LRP1B: variants seen among roughly 807,000 people sequenced by gnomAD.
LRP1B encodes low-density lipoprotein receptor-related protein 1B.
A neutral mutation model predicts 556.6 loss-of-function variants in LRP1B; 217 were observed. The observed-to-expected ratio is 0.39, with a 90% CI of 0.35 to 0.44. The LOEUF (loss-of-function observed/expected upper bound fraction) is 0.44. Among genes scored for constraint, LRP1B ranks in the 20% least tolerant of loss-of-function variants. LRP1B has a pLI of 1.00. For synonymous variants in LRP1B, 2,047 were observed against 1,865.8 expected, an observed-to-expected ratio of 1.10 and a Z score of -2.50; for missense variants, 5,053 against 5,620.8, an observed-to-expected ratio of 0.90 and a Z score of 3.23.
chr2:140,408,374 A>T (rs1011665812), intron 66 of LRP1B, among the ~76,000 whole-genome samples: 2 of 152,018 alleles, frequency 1.3e-5, no homozygotes, highest in Non-Finnish European at 2.9e-5. Context: ...ATTAGTGCCA[A>T]TGCTGATCAT....
Position 140,506,925 on chromosome 2 carries a change from A to C in LRP1B, c.8399-7T>G. 6.2e-7 allele frequency: 1 copy of C among 1,613,064 alleles called. No homozygotes were observed. The highest frequency in any genetic ancestry group is 1.1e-5 in the South Asian group (1 of 90,922). ...TCACATGTATTATTGGGAGCTAAGA[A>C]AGGCATCACAAAAAATAAAGTTAGA... is the stretch of plus-strand genomic sequence containing the variant. On this transcript the variant is annotated splice_region_variant and splice_polypyrimidine_tract_variant and intron_variant, in intron 52 of 90. Transcript: ENST00000389484.
At chr2:140,778,030 T>C (rs1362043674) in intron 32 of LRP1B, among the ~76,000 whole-genome samples, 2 of 151,602 alleles carry the variant, frequency 1.3e-5, no homozygotes, top group African/African-American at 2.4e-5. Flanking sequence ...GGGAAAAAAA[T>C]GCCAGTTTTA....
intron 2 of LRP1B, among the ~76,000 whole-genome samples, chr2:141,751,285 GA>G (rs1476990884): frequency 1.3e-5 from 2 of 151,738 alleles, no homozygotes; most frequent in Admixed American, 6.6e-5. Flanking sequence ...AAAAATTTCA[GA>G]AAAAAAGCCA....
At chr2:141,802,331 G>A (rs1214424797) in intron 2 of LRP1B, among the ~76,000 whole-genome samples, 2 of 151,986 alleles carry the variant, frequency 1.3e-5, no homozygotes, top group Admixed American at 1.3e-4. Flanking sequence ...GAAACTATGA[G>A]GTTTGGATCC....
intron 1 of LRP1B, among the ~76,000 whole-genome samples, chr2:142,076,568 CA>C (rs1471649630): frequency 6.6e-6 from 1 of 152,038 alleles, no homozygotes; most frequent in Admixed American, 6.6e-5. Context: ...TCACAGGACA[CA>C]AAGTTCCACA....
At chr2:141,216,559 T>A (rs1426630915) in intron 6 of LRP1B, among the ~76,000 whole-genome samples, 1 of 152,098 alleles carries the variant, frequency 6.6e-6, no homozygotes, top group East Asian at 1.9e-4. Flanking sequence ...AGAGAGCCAC[T>A]GGCAGCTTTC....
chr2:141,402,709 A>G (rs1365008798), intron 3 of LRP1B, among the ~76,000 whole-genome samples: 1 of 152,194 alleles, frequency 6.6e-6, no homozygotes, highest in Non-Finnish European at 1.5e-5. Context: ...TAAAAGTGTT[A>G]TTATGTTTGT....
At chr2:142,035,688 T>G (rs1360375942) in intron 1 of LRP1B, among the ~76,000 whole-genome samples, 1 of 151,628 alleles carries the variant, frequency 6.6e-6, no homozygotes, top group Non-Finnish European at 1.5e-5. Context: ...GTCTTTCAAA[T>G]TTCCTTTCAC....
At chr2:141,732,512 T>C (rs1395048808) in intron 2 of LRP1B, among the ~76,000 whole-genome samples, 1 of 152,118 alleles carries the variant, frequency 6.6e-6, no homozygotes, top group Non-Finnish European at 1.5e-5. Flanking sequence ...GGCTGGAGTA[T>C]TTTTGGACAA....
chr2:140,675,447 G>T (rs1264065787), intron 41 of LRP1B, among the ~76,000 whole-genome samples: 1 of 152,064 alleles, frequency 6.6e-6, no homozygotes, highest in South Asian at 2.1e-4. Context: ...AATAAGCATT[G>T]CCTCTATAAA....
chr2:140,401,683 G>A (rs1276677351), intron 66 of LRP1B, among the ~76,000 whole-genome samples: 2 of 152,206 alleles, frequency 1.3e-5, no homozygotes, highest in Non-Finnish European at 2.9e-5. Flanking sequence ...CATAGAGCAA[G>A]CTCAAATCCC....
chr2:141,982,021 C>T (rs1574557855), intron 1 of LRP1B, among the ~76,000 whole-genome samples: 1 of 152,050 alleles, frequency 6.6e-6, no homozygotes, highest in Non-Finnish European at 1.5e-5. Flanking sequence ...CAGAAATACC[C>T]ATGTTAGACT....
intron 3 of LRP1B, among the ~76,000 whole-genome samples, chr2:141,259,044 T>G (rs1300720115): frequency 2.0e-5 from 3 of 152,206 alleles, no homozygotes; most frequent in African/African-American, 7.2e-5. Context: ...TGAATACACC[T>G]TCTCTATCAA....
intron 62 of LRP1B, among the ~76,000 whole-genome samples, chr2:140,452,413 G>A (rs1273365835): frequency 6.6e-6 from 1 of 151,972 alleles, no homozygotes; most frequent in East Asian, 1.9e-4. Flanking sequence ...GGTATATAAC[G>A]TTTAGTCAAT....
chr2:140,388,240 T>G (rs546339895), intron 66 of LRP1B, among the ~76,000 whole-genome samples: 2 of 152,088 alleles, frequency 1.3e-5, no homozygotes, highest in Non-Finnish European at 2.9e-5. Flanking sequence ...CCTGGCCTGC[T>G]TGTACTATTT....
At chr2:141,504,683 C>T (rs1683856797) in intron 2 of LRP1B, among the ~76,000 whole-genome samples, 1 of 152,132 alleles carries the variant, frequency 6.6e-6, no homozygotes, top group Non-Finnish European at 1.5e-5. Context: ...CAAGAACACT[C>T]TGGAACTCAA....
intron 82 of LRP1B, among the ~76,000 whole-genome samples, chr2:140,316,938 A>C (rs1054039272): frequency 1.3e-5 from 2 of 152,230 alleles, no homozygotes; most frequent in African/African-American, 2.4e-5. Context: ...TGATATGTTC[A>C]TTTGTTAAAG....
At chr2:140,632,552 T>G (rs1683924179) in intron 41 of LRP1B, among the ~76,000 whole-genome samples, 1 of 151,906 alleles carries the variant, frequency 6.6e-6, no homozygotes, top group African/African-American at 2.4e-5. Flanking sequence ...ATACAAAATA[T>G]TCCACTGAAA....
intron 82 of LRP1B, among the ~76,000 whole-genome samples, chr2:140,315,524 C>T (rs770327407): frequency 1.8e-4 from 28 of 152,112 alleles, no homozygotes; most frequent in Non-Finnish European, 4.0e-4. Context: ...GTGATCCTCC[C>T]ACCTCCACTT....
Sources: allele counts gnomAD v4.1 joint callset (sites outside exome capture counted in the v4.1 genomes callset), GRCh38; gene constraint gnomAD v4.1.1; transcripts MANE v1.5; gene names NCBI Gene and HGNC (gene_info 2026-07-23, HGNC 2026-07-21).